DRC9: variants seen among roughly 807,000 people sequenced by gnomAD.
DRC9 encodes the protein dynein regulatory complex subunit 9.
the DRC9 span, among the ~76,000 whole-genome samples, chr3:197,926,819 TG>T: frequency 6.6e-6 from 1 of 152,188 alleles, no homozygotes; most frequent in Non-Finnish European, 1.5e-5. Context: ...TCTCCTTCAC[TG>T]GGGGTCAGCC....
chr3:197,952,846 T>A, the DRC9 span, among the ~76,000 whole-genome samples: 1 of 152,056 alleles, frequency 6.6e-6, no homozygotes, highest in Admixed American at 6.6e-5. Context: ...CTTTTTTTTT[T>A]TTTTGAGACA....
chr3:197,892,683 G>A, the DRC9 span: 6 of 1,614,118 alleles, frequency 3.7e-6, no homozygotes, highest in Non-Finnish European at 5.1e-6. Flanking sequence ...GGCTTTGAGA[G>A]CATTTAGTTC....
At chr3:197,956,606 C>T in the DRC9 span, 2 of 149,120 alleles carry the variant, frequency 1.3e-5, no homozygotes, top group Non-Finnish European at 3.0e-5. Context: ...ACAACTAAGG[C>T]ATCAGTTTTG....
the DRC9 span, among the ~76,000 whole-genome samples, chr3:197,925,316 G>A: frequency 8.7e-6 from 1 of 115,558 alleles, no homozygotes; most frequent in Non-Finnish European, 1.8e-5. Context: ...TATGAGGATG[G>A]GACGAGGTCA....
the DRC9 span, among the ~76,000 whole-genome samples, chr3:197,911,644 A>C: frequency 2.6e-5 from 4 of 152,106 alleles, no homozygotes; most frequent in South Asian, 4.1e-4. Flanking sequence ...AAGATTAGTA[A>C]ATTTTTTTTT....
At chr3:197,890,341 G>C in the DRC9 span, among the ~76,000 whole-genome samples, 1 of 151,772 alleles carries the variant, frequency 6.6e-6, no homozygotes, top group Non-Finnish European at 1.5e-5. Flanking sequence ...GGAAGCAGAG[G>C]TTGCAGTGAG....
At chr3:197,914,651 T>C in the DRC9 span, among the ~76,000 whole-genome samples, 206 of 152,136 alleles carry the variant, frequency 1.4e-3, no homozygotes, top group African/African-American at 4.4e-3. Context: ...CCTTCCCTCA[T>C]AGAGCTTACA....
chr3:197,932,877 T>TATATGTATAATA, the DRC9 span, among the ~76,000 whole-genome samples: 1 of 135,866 alleles, frequency 7.4e-6, no homozygotes, highest in African/African-American at 2.9e-5. Context: ...ATAATATATA[T>TATATGTATAATA]TATATATGTA....
chr3:197,912,472 A>G, the DRC9 span: 9 of 498,196 alleles, frequency 1.8e-5, no homozygotes, highest in Non-Finnish European at 2.8e-5. Context: ...AAAAGCAGAA[A>G]ACAAAATTTT....
chr3:197,889,409 C>CTAACAGGCAGAGTGAAAT, the DRC9 span: 1 of 747,518 alleles, frequency 1.3e-6, no homozygotes, highest in African/African-American at 1.7e-5. Flanking sequence ...GAAAACCCAC[C>CTAACAGGCAGAGTGAAAT]TAACAGGCAG....
the DRC9 span, among the ~76,000 whole-genome samples, chr3:197,915,218 A>G: frequency 2.4e-3 from 301 of 126,950 alleles, no homozygotes; most frequent in African/African-American, 8.3e-3. Flanking sequence ...AAAAGAAAAG[A>G]AAAATAGGGT....
At chr3:197,956,152 A>C in the DRC9 span, 2 of 261,308 alleles carry the variant, frequency 7.7e-6, no homozygotes, top group South Asian at 4.4e-5. Flanking sequence ...AGAGGGTCTG[A>C]CTCTTGCCTA....
At chr3:197,955,049 T>C in the DRC9 span, among the ~76,000 whole-genome samples, 1 of 152,172 alleles carries the variant, frequency 6.6e-6, no homozygotes, top group African/African-American at 2.4e-5. Context: ...TTTTCTCCTG[T>C]AATTTTTCTC....
chr3:197,956,139 T>C, the DRC9 span: 5 of 287,232 alleles, frequency 1.7e-5, no homozygotes, highest in Middle Eastern at 1.3e-3. Flanking sequence ...AAATTTTTTG[T>C]AGAGAGGGTC....
chr3:197,923,973 G>T, the DRC9 span, among the ~76,000 whole-genome samples: 3 of 152,230 alleles, frequency 2.0e-5, no homozygotes, highest in South Asian at 6.2e-4. Context: ...GGCTGAGGTG[G>T]GAGAATTGCT....
the DRC9 span, among the ~76,000 whole-genome samples, chr3:197,910,118 C>G: frequency 1.3e-5 from 2 of 152,094 alleles, no homozygotes; most frequent in Non-Finnish European, 2.9e-5. Flanking sequence ...AGGGCTTTCA[C>G]TTTCTTTAAC....
chr3:197,890,893 G>A, the DRC9 span, among the ~76,000 whole-genome samples: 1 of 152,200 alleles, frequency 6.6e-6, no homozygotes, highest in Non-Finnish European at 1.5e-5. Context: ...TCAGAGAGAA[G>A]GGCCAGCTCC....
At chr3:197,956,885 C>T in the DRC9 span, 3 of 151,980 alleles carry the variant, frequency 2.0e-5, no homozygotes, top group Admixed American at 1.3e-4. Flanking sequence ...TTTTTGTCTG[C>T]CCCCTGAGGG....
At chr3:197,891,316 A>G in the DRC9 span, 1 of 560,894 alleles carries the variant, frequency 1.8e-6, no homozygotes. Context: ...AATAATAACA[A>G]AAGTCCATGC....
Sources: allele counts gnomAD v4.1 joint callset (sites outside exome capture counted in the v4.1 genomes callset), GRCh38; gene constraint gnomAD v4.1.1; transcripts MANE v1.5; gene names NCBI Gene and HGNC (gene_info 2026-07-23, HGNC 2026-07-21).